Variants in SLC36A1 observed in about 807,000 individuals in gnomAD.
SLC36A1 encodes the protein solute carrier family 36 member 1, also known as proton-coupled amino acid transporter 1.
Under a neutral mutation model 47.5 loss-of-function variants are expected in SLC36A1, and 30 were observed. The ratio of observed to expected loss-of-function variants is 0.63; its 90% CI spans 0.47 to 0.86. The LOEUF (loss-of-function observed/expected upper bound fraction) is 0.86, where lower values mean the gene tolerates loss of function less well. SLC36A1 is among the 40% of genes least tolerant of loss of function. The pLI is 0.00. For synonymous variants in SLC36A1, 255 were observed against 249.7 expected, an observed-to-expected ratio of 1.02 and a Z score of -0.20; for missense variants, 517 against 606.0, an observed-to-expected ratio of 0.85 and a Z score of 1.54.
the SLC36A1 span, among the ~76,000 whole-genome samples, chr5:151,513,615 T>G: frequency 0.72 from 109,606 of 151,730 alleles, 39,971 homozygotes; most frequent in East Asian, 0.96. Flanking sequence ...TGGGAGAAGG[T>G]TAAGGACAAA....
At chr5:151,468,266 A>AAAAAATATATATATAT (rs55642458) in intron 7 of SLC36A1, among the ~76,000 whole-genome samples, 1 of 63,818 alleles carries the variant, frequency 1.6e-5, no homozygotes, top group African/African-American at 8.8e-5. Flanking sequence ...AAAAAAAAAA[A>AAAAAATATATATATAT]ATATATATAT....
At chr5:151,363,826 A>G in the SLC36A1 span, among the ~76,000 whole-genome samples, 1 of 152,230 alleles carries the variant, frequency 6.6e-6, no homozygotes, top group Admixed American at 6.5e-5. Flanking sequence ...AAAATACACT[A>G]GAACCACAAG....
At chr5:151,498,187 C>T in the SLC36A1 span, among the ~76,000 whole-genome samples, 67 of 152,186 alleles carry the variant, frequency 4.4e-4, no homozygotes, top group African/African-American at 1.6e-3. Flanking sequence ...TCAGGTGATC[C>T]ACCCACCTCG....
chr5:151,528,198 G>A, the SLC36A1 span: 4 of 1,579,772 alleles, frequency 2.5e-6, no homozygotes, highest in South Asian at 3.4e-5. Context: ...AGTACAGGGG[G>A]AAACAGATAT....
At chr5:151,409,664 A>C in the SLC36A1 span, among the ~76,000 whole-genome samples, 1 of 152,196 alleles carries the variant, frequency 6.6e-6, no homozygotes, top group Non-Finnish European at 1.5e-5. Flanking sequence ...CTGACTCAGA[A>C]TCTGCATTGT....
At chr5:151,499,514 A>T in the SLC36A1 span, among the ~76,000 whole-genome samples, 17 of 152,282 alleles carry the variant, frequency 1.1e-4, no homozygotes, top group African/African-American at 3.8e-4. Context: ...GCTCTTTTAG[A>T]ATCTTCATAC....
chr5:151,465,958 AG>A (rs1191469563), intron 5 of SLC36A1, among the ~76,000 whole-genome samples: 3 of 151,444 alleles, frequency 2.0e-5, no homozygotes, highest in Non-Finnish European at 4.4e-5. Flanking sequence ...AAAAAAAAAA[AG>A]AACCACATTA....
the SLC36A1 span, chr5:151,543,072 T>G: frequency 6.2e-7 from 1 of 1,614,058 alleles, no homozygotes; most frequent in South Asian, 1.1e-5. Context: ...GTAAGGATAC[T>G]TTTTTAGGAA....
At chr5:151,476,878 C>A in intron 9 of SLC36A1, 122 bp downstream of exon 9, 1 of 1,236,382 alleles carries the variant, frequency 8.1e-7, no homozygotes, top group Non-Finnish European at 1.2e-6. Flanking sequence ...AGCCCACCAT[C>A]CCCTGCCACT....
At chr5:151,506,120 G>T in the SLC36A1 span, 41 of 1,488,742 alleles carry the variant, frequency 2.8e-5, no homozygotes, top group Non-Finnish European at 3.4e-5. Flanking sequence ...AGCAAGATAG[G>T]GTGAGCTCAT....
At chr5:151,351,914 A>G in the SLC36A1 span, among the ~76,000 whole-genome samples, 10 of 152,228 alleles carry the variant, frequency 6.6e-5, no homozygotes, top group Admixed American at 2.6e-4. Context: ...ACCTGAGAAC[A>G]TATCAGTATT....
chr5:151,368,562 T>A, the SLC36A1 span, among the ~76,000 whole-genome samples: 1 of 152,228 alleles, frequency 6.6e-6, no homozygotes, highest in Non-Finnish European at 1.5e-5. Flanking sequence ...TGACTCCGAA[T>A]GACCCCAAAC....
At chr5:151,466,006 A>G (rs1356073855) in intron 5 of SLC36A1, among the ~76,000 whole-genome samples, 2 of 151,264 alleles carry the variant, frequency 1.3e-5, no homozygotes, top group African/African-American at 2.4e-5. Context: ...TTTTGTTGTC[A>G]TAGAGGAAAC....
intron 1 of SLC36A1, among the ~76,000 whole-genome samples, chr5:151,450,622 T>C (rs1753513382): frequency 6.6e-6 from 1 of 152,248 alleles, no homozygotes; most frequent in Non-Finnish European, 1.5e-5. Context: ...TGTCCAGTTT[T>C]GTGATTACTT....
At chr5:151,423,586 A>G in the SLC36A1 span, among the ~76,000 whole-genome samples, 1,059 of 152,352 alleles carry the variant, frequency 7.0e-3, 17 homozygotes, top group African/African-American at 0.024. Flanking sequence ...CGGAAAAGTC[A>G]AAGCTATGGA....
At chr5:151,349,502 T>C in the SLC36A1 span, among the ~76,000 whole-genome samples, 1 of 152,134 alleles carries the variant, frequency 6.6e-6, no homozygotes, top group Non-Finnish European at 1.5e-5. Context: ...TGGAAAGATA[T>C]TATTCCCCTT....
At chr5:151,526,060 A>G in the SLC36A1 span, 1 of 1,192,162 alleles carries the variant, frequency 8.4e-7, no homozygotes, top group Middle Eastern at 2.2e-4. Context: ...ATGAGTCCTC[A>G]GCACTCTGAC....
At chr5:151,525,912 A>G in the SLC36A1 span, 1 of 1,614,200 alleles carries the variant, frequency 6.2e-7, no homozygotes, top group South Asian at 1.1e-5. Context: ...TCTCTGGAGA[A>G]TCTGGGTCAC....
downstream of SLC36A1, among the ~76,000 whole-genome samples, chr5:151,496,859 T>G (rs1391392393): frequency 3.3e-5 from 5 of 152,246 alleles, no homozygotes; most frequent in African/African-American, 9.6e-5. Flanking sequence ...AGATTTATAC[T>G]TAAGTATTTA....
Sources: gnomAD v4.1 joint callset for allele counts (sites outside exome capture counted in the v4.1 genomes callset) on GRCh38, gnomAD v4.1.1 for gene constraint, MANE v1.5 for transcripts, NCBI Gene and HGNC (gene_info 2026-07-23, HGNC 2026-07-21) for gene names.